Variants in MDM2 observed in about 807,000 individuals in gnomAD.
The protein encoded by MDM2 is MDM2 proto-oncogene.
MDM2 carries 11 observed loss-of-function variants against 64.3 expected under a neutral mutation model. The ratio of observed to expected loss-of-function variants is 0.17; its 90% CI spans 0.11 to 0.28. The LOEUF (loss-of-function observed/expected upper bound fraction) is 0.28. Among genes scored for constraint, MDM2 ranks in the 10% least tolerant of loss-of-function variants. The probability of loss-of-function intolerance (pLI) is 1.00; values close to 1 mark genes in which losing one functional copy is unlikely to be tolerated. For missense variants in MDM2, 388 were observed against 577.1 expected, an observed-to-expected ratio of 0.67 and a Z score of 3.36; for synonymous variants, 194 against 192.9, an observed-to-expected ratio of 1.01 and a Z score of -0.05.
chr12:68,831,715 G>A (rs999203244), intron 8 of MDM2, among the ~76,000 whole-genome samples: 1 of 152,000 alleles, frequency 6.6e-6, no homozygotes, highest in African/African-American at 2.4e-5. Context: ...GGAGTAGAGG[G>A]GTATTTCTTT....
intron 8 of MDM2, among the ~76,000 whole-genome samples, chr12:68,830,055 T>C (rs1048081618): frequency 3.4e-5 from 5 of 147,596 alleles, no homozygotes; most frequent in African/African-American, 1.1e-4. Flanking sequence ...TCTTAAAATA[T>C]TATGATTTTT....
intron 3 of MDM2, chr12:68,814,547 G>A: frequency 2.9e-6 from 1 of 346,798 alleles, no homozygotes; most frequent in Non-Finnish European, 5.6e-6. Context: ...GTGAAAATAA[G>A]AATAGAATTT....
chr12:68,817,035 C>G, intron 4 of MDM2, 90 bp downstream of exon 4: 1 of 1,458,874 alleles, frequency 6.9e-7, no homozygotes, highest in South Asian at 1.3e-5. Context: ...CAGAGAAAAA[C>G]TGTTGAAACA....
Position 68,843,295 on chromosome 12 carries a change from T to TGAGA in MDM2, c.*3464_*3467dup, listed in dbSNP as rs138844063. On this transcript the variant is annotated 3_prime_UTR_variant, in exon 11 of 11. Coordinates refer to ENST00000258149, the MANE Select transcript of MDM2 (RefSeq NM_002392.6). ...AGTACTAATCCCTTTGGCCATTTATTGAGAGAGAGAGAGAGAGAGAGTAGG... is the reference window on the plus strand; with the variant it reads ...AGTACTAATCCCTTTGGCCATTTATTGAGAGAGAGAGAGAGAGAGAGAGAGTAGG... 1.4e-4 allele frequency: 31 copies of TGAGA among 219,156 alleles called. 1 individual carries two copies. The highest frequency in any genetic ancestry group is 5.9e-4 in the Admixed American group (10 of 17,032). The allele number at this position is 219,156 out of a possible 1,614,324, so 13.6% of individuals were successfully genotyped here. A position where few individuals can be genotyped will look rare whatever the true frequency, so the allele number is the denominator to read the frequency against.
intron 3 of MDM2, 48 bp downstream of exon 3, chr12:68,813,676 C>G (rs1320416129): frequency 1.4e-6 from 2 of 1,392,192 alleles, no homozygotes; most frequent in African/African-American, 1.4e-5. Context: ...TACATGTAGC[C>G]ATACTTAAAG....
At chr12:68,835,622 G>A (rs954143920) in intron 8 of MDM2, among the ~76,000 whole-genome samples, 1 of 152,294 alleles carries the variant, frequency 6.6e-6, no homozygotes, top group East Asian at 1.9e-4. Flanking sequence ...GGAAATGTGC[G>A]TGGCAACCGG....
rs190527657 is a variant in MDM2 at position 68,831,642 on chromosome 12, A to G, written c.684+2711A>G. Among the ~76,000 whole-genome samples, 3 of 152,348 alleles carry G rather than the reference A, an allele frequency of 2.0e-5. No homozygotes were observed. In the East Asian group the frequency reaches 5.8e-4, roughly 29 times the overall value. ...ACAAGAAATTTTTCTGGAGCTACGA[A>G]AAACCTTCCAAGGACCACTTTTCCT... is the stretch of plus-strand genomic sequence containing the variant. On this transcript the variant is annotated intron_variant, in intron 8 of 10. Coordinates refer to ENST00000258149, the MANE Select transcript of MDM2 (RefSeq NM_002392.6).
At position 68,813,461 on chromosome 12, in the gene MDM2, C is replaced by T. The variant is rs187143947; in HGVS notation, c.100-93C>T. ...ATCCTCCCCAGCATTTTTTCCAAAT[C>T]CCCTTTATTGAACTTGATGGATATG... is the stretch of plus-strand genomic sequence containing the variant. On this transcript the variant is annotated intron_variant, in intron 2 of 10. Transcript: ENST00000258149. The T allele has an allele frequency of 1.8e-3, 1,377 of 781,330 alleles. 3 individuals are homozygous for T. Among genetic ancestry groups the T allele is most frequent in the Non-Finnish European group, 2.6e-3 (1,237 of 468,510 alleles). 48.4% of individuals were successfully genotyped at this position (781,330 alleles called of 1,614,324 possible).
rs1884201953 is a variant in MDM2, at chr12:68,845,338, T to TA, written c.*5490dup. On this transcript the variant is annotated 3_prime_UTR_variant, in exon 11 of 11. Transcript: ENST00000258149. ...TTTACAAATAATACTTTGAGGTAGA[T>TA]ATCTGAAAGCACCAGCACTTGGAAG... The TA allele has an allele frequency of 9.4e-6, 2 of 212,130 alleles. No homozygotes were observed. Among genetic ancestry groups the TA allele is most frequent in the Non-Finnish European group, 1.9e-5 (2 of 104,880 alleles). The allele number at this position is 212,130 out of a possible 1,614,324, so 13.1% of individuals were successfully genotyped here. A position where few individuals can be genotyped will look rare whatever the true frequency, so the allele number is the denominator to read the frequency against.
chr12:68,815,698 C>G, intron 3 of MDM2: 1 of 399,150 alleles, frequency 2.5e-6, no homozygotes, highest in Non-Finnish European at 5.1e-6. Context: ...TTACCTCGGC[C>G]TCCTAAAGTG....
At chr12:68,824,497 A>G in intron 6 of MDM2, 58 bp from the exon 7 acceptor site, 11 of 1,595,910 alleles carry the variant, frequency 6.9e-6, no homozygotes, top group Non-Finnish European at 9.4e-6. Flanking sequence ...ATTTACAACA[A>G]GTTAGCTTAC....
chr12:68,823,575 G>A (rs1376044510), intron 5 of MDM2, among the ~76,000 whole-genome samples: 1 of 152,014 alleles, frequency 6.6e-6, no homozygotes, highest in Non-Finnish European at 1.5e-5. Flanking sequence ...CTTAGTTTAG[G>A]CTTTAATAGT....
chr12:68,821,619 A>G (rs778518943), intron 5 of MDM2, among the ~76,000 whole-genome samples: 1 of 152,166 alleles, frequency 6.6e-6, no homozygotes, highest in Non-Finnish European at 1.5e-5. Flanking sequence ...GCTACTCAGG[A>G]GGCTGAGGCA....
chr12:68,839,542 A>C lies in MDM2; in HGVS notation c.1187A>C (p.Glu396Ala). Residue 396 changes from glutamate to alanine, a missense_variant, in exon 11 of 11, where the codon GAA becomes GCA. Glu to Ala is a moderately radical substitution (Grantham distance 107). Around this residue, in one of 5 missense-constraint regions of MDM2, gnomAD observed 138 missense variants for 143.7 expected, o/e 0.96. Transcript: ENST00000258149. ...ATTACACAAGCTTCACAATCACAAG[A>C]AAGTGAAGACTATTCTCAGCCATCA... ...DKITQASQSQ[E>A]SEDYSQPSTS... The C allele has an allele frequency of 6.2e-7, 1 of 1,613,988 alleles. No individual in the cohort carries two copies. Among genetic ancestry groups the C allele is most frequent in the Non-Finnish European group, 8.5e-7 (1 of 1,180,014 alleles).
At chr12:68,812,265 TTAAA>T (rs1440250480) in intron 2 of MDM2, among the ~76,000 whole-genome samples, 2 of 152,246 alleles carry the variant, frequency 1.3e-5, no homozygotes, top group African/African-American at 2.4e-5. Flanking sequence ...TTTTCAATTG[TTAAA>T]TAATATTTGT....
At chr12:68,838,335 G>A (rs191373688) in intron 10 of MDM2, among the ~76,000 whole-genome samples, 2 of 152,260 alleles carry the variant, frequency 1.3e-5, no homozygotes, top group Admixed American at 1.3e-4. Flanking sequence ...ATGTGGGAGA[G>A]TTTGTTATCC....
At position 68,824,618 on chromosome 12, in the gene MDM2, A is replaced by T. The variant is rs770763010; in HGVS notation, c.490A>T (p.Thr164Ser). 1 of 1,612,606 alleles carries T rather than the reference A, an allele frequency of 6.2e-7. No individual in the cohort carries two copies. Among genetic ancestry groups the T allele is most frequent in the South Asian group, 1.1e-5 (1 of 90,894 alleles). Residue 164 changes from threonine to serine, a missense_variant, in exon 7 of 11, where the codon ACC becomes TCC. Physicochemically the swap from Thr to Ser is moderately conservative, Grantham distance 58 (BLOSUM62 1). Coordinates refer to ENST00000258149, the MANE Select transcript of MDM2 (RefSeq NM_002392.6). ...SSSHLVSRPS[T>S]SSRRRAISET... ...TTCACATTTGGTTTCTAGACCATCTACCTCATCTAGAAGGAGAGCAATTAG... is the reference window on the plus strand; with the variant it reads ...TTCACATTTGGTTTCTAGACCATCTTCCTCATCTAGAAGGAGAGCAATTAG...
In MDM2 at chr12:68,833,666, C is replaced by T. The variant is rs577358858; in HGVS notation, c.685-2163C>T. On this transcript the variant is annotated intron_variant, in intron 8 of 10. Transcript: ENST00000258149. ...GGTTTCTGTCACAGCTACTCAGCCC[C>T]GCTCTTGTAATGCAGGAGCAACTGT... Among the ~76,000 whole-genome samples the T allele has an allele frequency of 1.8e-4, 28 of 151,940 alleles. No homozygotes were observed. The South Asian group carries it at 4.8e-3, about 26-fold the overall frequency.
intron 8 of MDM2, among the ~76,000 whole-genome samples, chr12:68,834,978 T>A (rs951481115): frequency 6.6e-6 from 1 of 152,150 alleles, no homozygotes; most frequent in African/African-American, 2.4e-5. Context: ...GAATTTTTTT[T>A]AATTGTCTAA....
Sources: allele counts gnomAD v4.1 joint callset (sites outside exome capture counted in the v4.1 genomes callset), GRCh38; gene constraint gnomAD v4.1.1; regional missense constraint gnomAD v4.1.1; transcripts MANE v1.5; gene names NCBI Gene and HGNC (gene_info 2026-07-23, HGNC 2026-07-21).